HS3ST3A1: variants seen among roughly 807,000 people sequenced by gnomAD.
HS3ST3A1 encodes heparan sulfate-glucosamine 3-sulfotransferase 3A1.
Under a neutral mutation model 25.7 loss-of-function variants are expected in HS3ST3A1, and 19 were observed. The observed-to-expected ratio is 0.74, with a 90% CI of 0.52 to 1.08. HS3ST3A1 has a LOEUF of 1.08. Among genes scored for constraint, HS3ST3A1 ranks in the 50% least tolerant of loss-of-function variants. The pLI is 0.00. For synonymous variants in HS3ST3A1, 226 were observed against 278.6 expected, an observed-to-expected ratio of 0.81 and a Z score of 1.88; for missense variants, 459 against 594.3, an observed-to-expected ratio of 0.77 and a Z score of 2.37.
rs1428897921 is a variant in HS3ST3A1, at chr17:13,503,968, C to T, written c.600-7150G>A. Among the ~76,000 whole-genome samples, 11 of 152,328 alleles carry T rather than the reference C, an allele frequency of 7.2e-5. 1 individual carries two copies. Among genetic ancestry groups the T allele is most frequent in the South Asian group, 6.2e-4 (3 of 4,826 alleles). Reference sequence around the variant, plus strand: ...TCTCCAAATGTCCACCCAAAATAGACGCACGTAGACACATACTGAGATCTT... The same window carrying T: ...TCTCCAAATGTCCACCCAAAATAGATGCACGTAGACACATACTGAGATCTT... On this transcript the variant is annotated intron_variant, in intron 1 of 1. Coordinates refer to ENST00000284110, the MANE Select transcript of HS3ST3A1 (RefSeq NM_006042.3).
At chr17:13,512,297 C>A (rs1461701018) in intron 1 of HS3ST3A1, among the ~76,000 whole-genome samples, 2 of 95,340 alleles carry the variant, frequency 2.1e-5, no homozygotes, top group African/African-American at 9.8e-5. Context: ...CAGAGCGAGA[C>A]TCCGTCTCAA....
intron 1 of HS3ST3A1, among the ~76,000 whole-genome samples, chr17:13,591,588 A>G (rs903171994): frequency 2.6e-5 from 4 of 152,038 alleles, no homozygotes; most frequent in Admixed American, 6.6e-5. Flanking sequence ...TAACAGAGGT[A>G]TTTAAATACT....
At chr17:13,554,908 C>T (rs553434555) in intron 1 of HS3ST3A1, among the ~76,000 whole-genome samples, 1 of 152,176 alleles carries the variant, frequency 6.6e-6, no homozygotes, top group Admixed American at 6.5e-5. Flanking sequence ...GGCAGACTGC[C>T]CCCTAACTCT....
At chr17:13,503,147 C>T (rs1461200314) in intron 1 of HS3ST3A1, among the ~76,000 whole-genome samples, 1 of 137,676 alleles carries the variant, frequency 7.3e-6, no homozygotes. Context: ...TGCACTCCAG[C>T]CTAGCAAGAG....
chr17:13,569,920 C>T (rs1907760016), intron 1 of HS3ST3A1, among the ~76,000 whole-genome samples: 1 of 152,204 alleles, frequency 6.6e-6, no homozygotes, highest in Non-Finnish European at 1.5e-5. Flanking sequence ...CCACACTCCT[C>T]CCACCTTCCT....
intron 1 of HS3ST3A1, among the ~76,000 whole-genome samples, chr17:13,514,194 T>C (rs77053969): frequency 0.015 from 2,322 of 152,120 alleles, 55 homozygotes; most frequent in African/African-American, 0.053. Context: ...ATCCCTTGTC[T>C]TTTAGGTAGC....
intron 1 of HS3ST3A1, among the ~76,000 whole-genome samples, chr17:13,562,834 T>C (rs1275076940): frequency 6.6e-6 from 1 of 152,084 alleles, no homozygotes; most frequent in Non-Finnish European, 1.5e-5. Context: ...CATCTTATAT[T>C]TACTATGACA....
At chr17:13,562,356 C>T (rs1336282485) in intron 1 of HS3ST3A1, among the ~76,000 whole-genome samples, 1 of 152,116 alleles carries the variant, frequency 6.6e-6, no homozygotes, top group Non-Finnish European at 1.5e-5. Context: ...CAGACAGCCT[C>T]GTCTATTCTG....
At chr17:13,499,903 C>A (rs1018812418) in intron 1 of HS3ST3A1, among the ~76,000 whole-genome samples, 3 of 152,104 alleles carry the variant, frequency 2.0e-5, no homozygotes, top group East Asian at 3.9e-4. Flanking sequence ...AAGCTACCTG[C>A]AAGCTTCTTT....
intron 1 of HS3ST3A1, among the ~76,000 whole-genome samples, chr17:13,548,201 A>G (rs1201105186): frequency 1.3e-5 from 2 of 152,156 alleles, no homozygotes; most frequent in Admixed American, 1.3e-4. Context: ...TATTTCTCCC[A>G]GTTCTGGAGG....
At chr17:13,585,392 G>A (rs1250982947) in intron 1 of HS3ST3A1, among the ~76,000 whole-genome samples, 2 of 150,996 alleles carry the variant, frequency 1.3e-5, no homozygotes, top group Non-Finnish European at 3.0e-5. Context: ...TGGAGACGGG[G>A]TTTCACCATG....
At chr17:13,581,483 AC>A (rs1294329997) in intron 1 of HS3ST3A1, among the ~76,000 whole-genome samples, 2,721 of 145,018 alleles carry the variant, frequency 0.019, 33 homozygotes, top group Non-Finnish European at 0.03. Context: ...AAAAAAAAAA[AC>A]GTAGAAACTT....
intron 1 of HS3ST3A1, among the ~76,000 whole-genome samples, chr17:13,545,386 C>A (rs1033289772): frequency 2.6e-5 from 4 of 152,230 alleles, no homozygotes; most frequent in African/African-American, 9.6e-5. Flanking sequence ...GGTTGCTTCT[C>A]ATCGTGGTGG....
At chr17:13,513,958 A>G (rs1905963863) in intron 1 of HS3ST3A1, among the ~76,000 whole-genome samples, 1 of 152,060 alleles carries the variant, frequency 6.6e-6, no homozygotes, top group Non-Finnish European at 1.5e-5. Context: ...ATATTTTCTC[A>G]TACACTCCTT....
Position 13,573,117 on chromosome 17 carries a change from G to C in HS3ST3A1, c.599+27414C>G, listed in dbSNP as rs529939956. Among the ~76,000 whole-genome samples, 9 of 152,268 alleles carry C rather than the reference G, an allele frequency of 5.9e-5. No individual in the cohort carries two copies. In the East Asian group the frequency reaches 1.5e-3, roughly 26 times the overall value. On this transcript the variant is annotated intron_variant, in intron 1 of 1. Transcript: ENST00000284110. ...AGTTGACAAATCCATCAGATTTTCA[G>C]TATTCTTGGCTCTCCTTAGCCTCCT...
intron 1 of HS3ST3A1, among the ~76,000 whole-genome samples, chr17:13,578,021 T>C (rs1907992871): frequency 6.6e-6 from 1 of 152,128 alleles, no homozygotes; most frequent in Non-Finnish European, 1.5e-5. Context: ...ATTTAAAAAA[T>C]GCATATATCA....
At chr17:13,515,471 GTTTTTTTTTT>G (rs33924561) in intron 1 of HS3ST3A1, among the ~76,000 whole-genome samples, 3 of 107,794 alleles carry the variant, frequency 2.8e-5, no homozygotes, top group Non-Finnish European at 5.4e-5. Flanking sequence ...GTTTGTTTCA[GTTTTTTTTTT>G]TTTTTTTTTT....
intron 1 of HS3ST3A1, among the ~76,000 whole-genome samples, chr17:13,591,845 A>G (rs936016977): frequency 5.3e-5 from 8 of 151,888 alleles, no homozygotes; most frequent in African/African-American, 1.9e-4. Context: ...TTTTTAGTAG[A>G]GATGCGATTT....
At chr17:13,528,253 C>CT (rs1300404668) in intron 1 of HS3ST3A1, among the ~76,000 whole-genome samples, 14 of 152,352 alleles carry the variant, frequency 9.2e-5, no homozygotes, top group African/African-American at 3.4e-4. Flanking sequence ...AATAAAAACT[C>CT]TGGCAGGCAA....
Sources: allele counts gnomAD v4.1 joint callset (sites outside exome capture counted in the v4.1 genomes callset), GRCh38; gene constraint gnomAD v4.1.1; transcripts MANE v1.5; gene names NCBI Gene and HGNC (gene_info 2026-07-23, HGNC 2026-07-21).